The following DNAH11 variants were observed in gnomAD, a reference collection of about 807,000 sequenced individuals.
DNAH11 encodes the protein dynein axonemal heavy chain 11.
DNAH11 carries 442 observed loss-of-function variants against 526.0 expected under a neutral mutation model. The observed-to-expected ratio is 0.84, with a 90% CI of 0.78 to 0.91. The LOEUF is 0.91. Among genes scored for constraint, DNAH11 ranks in the 40% least tolerant of loss-of-function variants. The pLI is 0.00. For missense variants in DNAH11, 6,989 were observed against 5,448.7 expected (o/e 1.28, Z -8.90); for synonymous variants, 2,461 against 1,935.9 (o/e 1.27, Z -7.12).
intron 56 of DNAH11, among the ~76,000 whole-genome samples, chr7:21,775,992 G>C (rs941981900): frequency 2.6e-5 from 4 of 152,158 alleles, no homozygotes; most frequent in African/African-American, 7.2e-5. Context: ...AAAGCAAGTG[G>C]GGTACCATCC....
intron 30 of DNAH11, among the ~76,000 whole-genome samples, chr7:21,672,006 C>A (rs890934086): frequency 6.6e-6 from 1 of 152,182 alleles, no homozygotes; most frequent in Admixed American, 6.5e-5. Context: ...TGAGATTCAA[C>A]AACCCATGTT....
Position 21,564,286 on chromosome 7 carries a change from C to T in DNAH11, c.1083C>T (p.Ile361=), listed in dbSNP as rs747276170. The change falls in exon 6 of 82, where the codon ATC becomes ATT. Residue 361 remains isoleucine, a synonymous_variant. Transcript: ENST00000409508. The stretch of plus-strand genomic sequence containing the variant: ...AATTCCCACAGACACGCATATTAAT[C>T]GCTCCATTATTTCATACCATCTGTC... The part of the protein sequence containing the change: ...ETEFPQTRIL[I]APLFHTICLI... 1.7e-5 allele frequency: 28 copies of T among 1,613,448 alleles called. No homozygotes were observed. The East Asian group carries it at 2.2e-4, about 13-fold the overall frequency.
intron 28 of DNAH11, among the ~76,000 whole-genome samples, 193 bp downstream of exon 28, chr7:21,639,258 G>C (rs1311060120): frequency 6.6e-6 from 1 of 152,186 alleles, no homozygotes; most frequent in Admixed American, 6.5e-5. Flanking sequence ...TAACTGTCTG[G>C]TGCTGTGTAA....
At position 21,558,951 on chromosome 7, in the gene DNAH11, C is replaced by T; in HGVS notation, c.645C>T (p.Pro215=). Residue 215 remains proline, a synonymous_variant, in exon 3 of 82, where the codon CCC becomes CCT. Transcript: ENST00000409508. ...KMSRRTLLPI[P]TVAGKMDLDQ... Reference sequence around the variant, plus strand: ...CTAGAAGAACTCTTCTACCAATTCCCACTGTTGCAGGAAAGATGGATCTGG... The same window carrying T: ...CTAGAAGAACTCTTCTACCAATTCCTACTGTTGCAGGAAAGATGGATCTGG... 1.3e-6 allele frequency: 2 copies of T among 1,594,052 alleles called. No individual in the cohort carries two copies. The highest frequency in any genetic ancestry group is 1.7e-6 in the Non-Finnish European group (2 of 1,169,290).
chr7:21,899,021 A>G (rs1310159703), intron 79 of DNAH11, among the ~76,000 whole-genome samples: 1 of 152,204 alleles, frequency 6.6e-6, no homozygotes, highest in Non-Finnish European at 1.5e-5. Flanking sequence ...TCATAGGGTG[A>G]TGACCTTTGT....
At chr7:21,697,456 C>A (rs1243782295) in intron 35 of DNAH11, among the ~76,000 whole-genome samples, 2 of 152,100 alleles carry the variant, frequency 1.3e-5, no homozygotes, top group Admixed American at 1.3e-4. Context: ...TTAATGAAAA[C>A]TAAATTGTAT....
chr7:21,805,547 T>C (rs1232851487), intron 62 of DNAH11, among the ~76,000 whole-genome samples: 1 of 152,168 alleles, frequency 6.6e-6, no homozygotes, highest in Non-Finnish European at 1.5e-5. Flanking sequence ...TAAAACTACT[T>C]CCATTTAAAG....
chr7:21,574,564 C>CTTTTTTTTTTTTTT (rs35535321), intron 8 of DNAH11, among the ~76,000 whole-genome samples: 1 of 123,840 alleles, frequency 8.1e-6, no homozygotes, highest in Non-Finnish European at 1.7e-5. Context: ...CCCTTCCTTC[C>CTTTTTTTTTTTTTT]TTTTTTTTTT....
In DNAH11 at chr7:21,720,684, T is replaced by TA. The variant is rs549297506; in HGVS notation, c.7135-34dup. 1,666 of 1,521,606 alleles carry TA rather than the reference T, an allele frequency of 1.1e-3. 5 individuals carry two copies. The highest frequency in any genetic ancestry group is 1.1e-3 in the Admixed American group (50 of 45,306). 94.3% of individuals were successfully genotyped at this position (1,521,606 alleles called of 1,614,324 possible). ...AAATATTCTTTGAACTTCACTATTT[T>TA]AAAAAAATGTTGCCTTATTTGACTA... is the stretch of plus-strand genomic sequence containing the variant. On this transcript the variant is annotated intron_variant, in intron 43 of 81. Coordinates refer to ENST00000409508, the MANE Select transcript of DNAH11 (RefSeq NM_001277115.2).
At chr7:21,752,769 A>G (rs7781220) in intron 54 of DNAH11, among the ~76,000 whole-genome samples, 2,050 of 152,226 alleles carry the variant, frequency 0.013, 49 homozygotes, top group African/African-American at 0.047. Flanking sequence ...CTGGAATGCA[A>G]TGGCATGATC....
chr7:21,710,406 A>G, intron 40 of DNAH11, 147 bp from the exon 41 acceptor site: 1 of 601,364 alleles, frequency 1.7e-6, no homozygotes, highest in Non-Finnish European at 2.8e-6. Flanking sequence ...TGAATCTGGA[A>G]CCCATGTGTG....
chr7:21,672,156 T>C (rs950184978), intron 30 of DNAH11, among the ~76,000 whole-genome samples: 6 of 152,152 alleles, frequency 3.9e-5, no homozygotes, highest in Admixed American at 6.5e-5. Flanking sequence ...GTTGCTGTTA[T>C]GAAACAAGAG....
chr7:21,681,637 T>C lies in DNAH11; in HGVS notation c.5420T>C (p.Val1807Ala). The C allele has an allele frequency of 1.9e-6, 3 of 1,613,954 alleles. No homozygotes were observed. Among genetic ancestry groups the C allele is most frequent in the Non-Finnish European group, 2.5e-6 (3 of 1,179,844 alleles). ...ATCATGACAATTTGTACCATAGATG[T>C]CCATGCCAGAGACGTGGTGGCAAAA... ...QKIMTICTIDVHARDVVAKLI... is the reference protein window; with the variant it reads ...QKIMTICTIDAHARDVVAKLI... The change falls in exon 31 of 82, where the codon GTC becomes GCC. Residue 1807 changes from valine (V) to alanine (A), a missense_variant. Val to Ala is a moderately conservative substitution (Grantham distance 64, BLOSUM62 0). Transcript: ENST00000409508.
At chr7:21,622,169 C>T (rs1455192324) in intron 25 of DNAH11, among the ~76,000 whole-genome samples, 2 of 152,132 alleles carry the variant, frequency 1.3e-5, no homozygotes, top group African/African-American at 2.4e-5. Context: ...TTCTTATACA[C>T]CAATAACAGA....
chr7:21,601,324 C>A, intron 17 of DNAH11, 72 bp from the exon 18 acceptor site: 2 of 1,468,312 alleles, frequency 1.4e-6, no homozygotes, highest in South Asian at 2.7e-5. Flanking sequence ...AAGATTCAAT[C>A]AGAAGTCTTA....
Position 21,873,379 on chromosome 7 carries a change from G to C in DNAH11, c.12073G>C (p.Ala4025Pro). ...DYRVFMSAES[A>P]PTPDEHIIPQ... ...CAGGGTTTTCATGAGTGCTGAGTCT[G>C]CACCTACACCAGATGAGCATATCAT... is the stretch of plus-strand genomic sequence containing the variant. Residue 4025 changes from alanine (A) to proline (P), a missense_variant, in exon 74 of 82, where the codon GCA (alanine) becomes CCA (proline). Physicochemically the swap from Ala to Pro is conservative, Grantham distance 27. Transcript: ENST00000409508. The C allele has an allele frequency of 6.2e-7, 1 of 1,613,952 alleles. No homozygotes were observed. The highest frequency in any genetic ancestry group is 8.5e-7 in the Non-Finnish European group (1 of 1,179,854).
At chr7:21,791,580 G>A (rs1271738079) in intron 61 of DNAH11, among the ~76,000 whole-genome samples, 3 of 152,194 alleles carry the variant, frequency 2.0e-5, no homozygotes, top group African/African-American at 7.2e-5. Context: ...GTGGTTCTCA[G>A]CCTTTCTTTC....
rs1485157261 is a variant in DNAH11, at chr7:21,739,649, C to T, written c.7890C>T (p.Ser2630=). 6.2e-7 allele frequency: 1 copy of T among 1,612,766 alleles called. No homozygotes were observed. Residue 2630 remains serine, a synonymous_variant, in exon 48 of 82, where the codon AGC becomes AGT. Transcript: ENST00000409508. ...YVACMNPMVG[S]FTINPRLQRH... is the part of the protein sequence containing the mutation. Reference sequence around the variant, plus strand: ...CCTGCATGAATCCGATGGTGGGCAGCTTCACCATCAATCCCAGGCTACAGG... The same window carrying T: ...CCTGCATGAATCCGATGGTGGGCAGTTTCACCATCAATCCCAGGCTACAGG...
intron 66 of DNAH11, among the ~76,000 whole-genome samples, chr7:21,844,471 C>T (rs1193618617): frequency 2.6e-5 from 4 of 152,082 alleles, no homozygotes. Context: ...CATATATTTA[C>T]ATATTGTCTA....
Sources: gnomAD v4.1 joint callset for allele counts (sites outside exome capture counted in the v4.1 genomes callset) on GRCh38, gnomAD v4.1.1 for gene constraint, MANE v1.5 for transcripts, NCBI Gene and HGNC (gene_info 2026-07-23, HGNC 2026-07-21) for gene names.